The following RSU1 variants were observed in gnomAD, a reference collection of about 807,000 sequenced individuals.
RSU1 encodes Ras suppressor protein 1.
RSU1 carries 26 observed loss-of-function variants against 31.1 expected under a neutral mutation model. The observed-to-expected ratio is 0.84, with a 90% CI of 0.61 to 1.16. The LOEUF (loss-of-function observed/expected upper bound fraction) is 1.16. Ranked by LOEUF, RSU1 falls within the 50% of genes most tolerant of loss-of-function variation. The probability of loss-of-function intolerance (pLI) is 0.00; values close to 1 mark genes in which losing one functional copy is unlikely to be tolerated. For synonymous variants in RSU1, 164 were observed against 136.3 expected, an observed-to-expected ratio of 1.20 and a Z score of -1.41; for missense variants, 320 against 339.1, an observed-to-expected ratio of 0.94 and a Z score of 0.44.
At chr10:16,805,407 C>T (rs1318131330) in intron 2 of RSU1, among the ~76,000 whole-genome samples, 1 of 152,064 alleles carries the variant, frequency 6.6e-6, no homozygotes, top group Admixed American at 6.6e-5. Context: ...AGCGGTGGCT[C>T]ACGCCTGTAA....
intron 7 of RSU1, among the ~76,000 whole-genome samples, chr10:16,725,254 G>C (rs904109984): frequency 1.3e-5 from 2 of 152,220 alleles, no homozygotes; most frequent in African/African-American, 4.8e-5. Flanking sequence ...CATCCTAGCA[G>C]AGAAAGCAAG....
At chr10:16,716,103 G>T (rs887078171) in intron 7 of RSU1, among the ~76,000 whole-genome samples, 2 of 152,150 alleles carry the variant, frequency 1.3e-5, no homozygotes, top group African/African-American at 4.8e-5. Context: ...TCCTTAGTCG[G>T]AATTCTTGAT....
chr10:16,651,441 C>A (rs1834682614), intron 8 of RSU1, among the ~76,000 whole-genome samples: 1 of 152,168 alleles, frequency 6.6e-6, no homozygotes, highest in Non-Finnish European at 1.5e-5. Context: ...CAGATAAATT[C>A]TCAGTGTCAC....
intron 2 of RSU1, among the ~76,000 whole-genome samples, chr10:16,797,396 A>G (rs1821106446): frequency 6.6e-6 from 1 of 152,254 alleles, no homozygotes; most frequent in South Asian, 2.1e-4. Context: ...CATAAAATCA[A>G]CCAGAGGACA....
Position 16,599,856 on chromosome 10 carries a change from G to A in RSU1, c.732-6360C>T, listed in dbSNP as rs146303703. On this transcript the variant is annotated intron_variant, in intron 8 of 8. Coordinates refer to ENST00000345264, the MANE Select transcript of RSU1 (RefSeq NM_012425.4). The stretch of plus-strand genomic sequence containing the variant: ...GTGTAGATCTTTCTGGGAAAGCTTC[G>A]GCGGGCACTGCCACTCGGCTATGAC... Among the ~76,000 whole-genome samples the A allele has an allele frequency of 4.1e-3, 556 of 135,182 alleles. 6 individuals are homozygous for A. Among genetic ancestry groups the A allele is most frequent in the African/African-American group, 0.015 (533 of 36,350 alleles). The allele number at this position is 135,182 out of a possible 152,430, so 88.7% of individuals were successfully genotyped here.
rs1237176623 is a variant in RSU1 at position 16,682,686 on chromosome 10, T to C, written c.731+12337A>G. Among the ~76,000 whole-genome samples, 10 of 152,120 alleles carry C rather than the reference T, an allele frequency of 6.6e-5. No homozygotes were observed. The East Asian group carries it at 1.7e-3, about 27-fold the overall frequency. On this transcript the variant is annotated intron_variant, in intron 8 of 8. Transcript: ENST00000345264. ...ACTTTACTTTCTTAATAAACTTACT[T>C]TTACTTTGCCCTGCAGACTCACCCT...
intron 7 of RSU1, among the ~76,000 whole-genome samples, chr10:16,725,318 C>T (rs571838239): frequency 6.6e-6 from 1 of 152,206 alleles, no homozygotes; most frequent in African/African-American, 2.4e-5. Context: ...TAAGGAAATT[C>T]AATGCCCAAA....
chr10:16,711,299 A>G (rs1475285989), intron 7 of RSU1, among the ~76,000 whole-genome samples: 1 of 150,900 alleles, frequency 6.6e-6, no homozygotes, highest in Non-Finnish European at 1.5e-5. Flanking sequence ...TGTTTTTTTT[A>G]GTCTAGCTTA....
chr10:16,640,112 G>T (rs979702206), intron 8 of RSU1, among the ~76,000 whole-genome samples: 2 of 152,056 alleles, frequency 1.3e-5, no homozygotes, highest in Non-Finnish European at 2.9e-5. Flanking sequence ...GAAAAATTAT[G>T]ACAGGGGAAG....
intron 8 of RSU1, among the ~76,000 whole-genome samples, chr10:16,638,301 T>C (rs948477364): frequency 1.6e-4 from 24 of 152,136 alleles, no homozygotes; most frequent in African/African-American, 5.6e-4. Flanking sequence ...TAATGCCTTT[T>C]TTTCGCGCGC....
chr10:16,772,565 G>A (rs1374410544), intron 3 of RSU1, among the ~76,000 whole-genome samples: 6 of 143,094 alleles, frequency 4.2e-5, no homozygotes, highest in African/African-American at 7.9e-5. Context: ...GACATCCAGC[G>A]AAGGGTAAGA....
chr10:16,715,363 C>G (rs1176340890), intron 7 of RSU1, among the ~76,000 whole-genome samples: 1 of 152,172 alleles, frequency 6.6e-6, no homozygotes, highest in Non-Finnish European at 1.5e-5. Context: ...GTGTCATAGC[C>G]AAGAAGTCAT....
intron 2 of RSU1, among the ~76,000 whole-genome samples, chr10:16,802,556 C>G (rs1184381168): frequency 6.6e-6 from 1 of 152,046 alleles, no homozygotes; most frequent in Non-Finnish European, 1.5e-5. Context: ...GCAAAGAGAA[C>G]AATTTCTAAC....
intron 7 of RSU1, among the ~76,000 whole-genome samples, chr10:16,730,295 C>T (rs566066703): frequency 8.5e-4 from 129 of 152,186 alleles, no homozygotes; most frequent in Non-Finnish European, 1.5e-3. Flanking sequence ...CAAATTTCAA[C>T]ATCAGATTTG....
At chr10:16,642,231 A>T (rs1423838838) in intron 8 of RSU1, among the ~76,000 whole-genome samples, 2 of 152,194 alleles carry the variant, frequency 1.3e-5, no homozygotes, top group Non-Finnish European at 2.9e-5. Context: ...GAGCTAAGGC[A>T]GGCAGGTAGG....
rs1307615874 is a variant in RSU1, at chr10:16,601,411, G to C, written c.732-7915C>G. Among the ~76,000 whole-genome samples the C allele has an allele frequency of 3.9e-5, 6 of 152,148 alleles. No individual in the cohort carries two copies. The East Asian group carries it at 1.2e-3, about 29-fold the overall frequency. On this transcript the variant is annotated intron_variant, in intron 8 of 8. Transcript: ENST00000345264. ...TGTATATGTATATTTCGGCAGAAAG[G>C]GACCACAGTTTTCATCAGCTCCTCA...
chr10:16,817,380 G>A lies in RSU1; in HGVS notation c.-69C>T. The A allele has an allele frequency of 2.7e-6, 1 of 371,722 alleles. No individual in the cohort carries two copies. Among genetic ancestry groups the A allele is most frequent in the Non-Finnish European group, 5.0e-6 (1 of 198,570 alleles). 23.0% of individuals were successfully genotyped at this position (371,722 alleles called of 1,614,324 possible). A position where few individuals can be genotyped will look rare whatever the true frequency, so the allele number is the denominator to read the frequency against. ...AGCTTCGGCAGAACGCACTCCAGCT[G>A]CCCTCACTCCCTGCAACACCGGCAC... On this transcript the variant is annotated 5_prime_UTR_variant, in exon 1 of 9. Coordinates refer to ENST00000345264, the MANE Select transcript of RSU1 (RefSeq NM_012425.4).
At chr10:16,717,272 T>C (rs1836162766) in intron 7 of RSU1, among the ~76,000 whole-genome samples, 2 of 152,176 alleles carry the variant, frequency 1.3e-5, no homozygotes, top group Non-Finnish European at 2.9e-5. Context: ...TGTGCAGATA[T>C]TATGTCATAT....
At chr10:16,743,898 A>T (rs1418127096) in intron 7 of RSU1, among the ~76,000 whole-genome samples, 3 of 152,148 alleles carry the variant, frequency 2.0e-5, no homozygotes, top group Non-Finnish European at 4.4e-5. Context: ...TGGGAGGACA[A>T]GGTGGAAGGA....
Sources: allele counts gnomAD v4.1 joint callset (sites outside exome capture counted in the v4.1 genomes callset), GRCh38; gene constraint gnomAD v4.1.1; transcripts MANE v1.5; gene names NCBI Gene and HGNC (gene_info 2026-07-23, HGNC 2026-07-21).